Variants in ZBTB8OS observed in about 807,000 individuals in gnomAD.
ZBTB8OS encodes tRNA-splicing ligase-activating factor archease.
In ZBTB8OS, 16 loss-of-function variants were observed where a neutral mutation model predicts 29.3. That is an observed-to-expected ratio of 0.55 (90% CI 0.37 to 0.83). The LOEUF is 0.83. Ranked by LOEUF, ZBTB8OS falls within the 40% of genes least tolerant of loss-of-function variation. The probability of loss-of-function intolerance (pLI) is 0.00; values close to 1 mark genes in which losing one functional copy is unlikely to be tolerated. For missense variants in ZBTB8OS, 160 were observed against 196.9 expected, an observed-to-expected ratio of 0.81 and a Z score of 1.12; for synonymous variants, 70 against 64.6, an observed-to-expected ratio of 1.08 and a Z score of -0.40.
chr1:32,650,697 C>A, upstream of ZBTB8OS: 1 of 1,273,738 alleles, frequency 7.9e-7, no homozygotes, highest in Non-Finnish European at 1.1e-6. Flanking sequence ...CCGCTTGGAT[C>A]GCATATTTAA....
intron 1 of ZBTB8OS, among the ~76,000 whole-genome samples, chr1:32,646,396 A>AT (rs538058280): frequency 9.4e-5 from 14 of 148,544 alleles, no homozygotes; most frequent in South Asian, 2.1e-4. Context: ...TTTTATTATT[A>AT]TTTTTTTTTG....
At chr1:32,621,973 A>G (rs781670232) in intron 6 of ZBTB8OS, 25 bp from the exon 7 acceptor site, 80 of 1,496,864 alleles carry the variant, frequency 5.3e-5, no homozygotes, top group Non-Finnish European at 7.0e-5. Context: ...AGAGAAAAAA[A>G]AAAAAAAAAG....
At chr1:32,648,186 G>C (rs1331300308) in intron 1 of ZBTB8OS, among the ~76,000 whole-genome samples, 1 of 152,132 alleles carries the variant, frequency 6.6e-6, no homozygotes, top group Non-Finnish European at 1.5e-5. Context: ...TTACAAATTA[G>C]AAAAGATAAA....
chr1:32,650,341 G>T, intron 1 of ZBTB8OS, 92 bp downstream of exon 1: 1 of 1,522,708 alleles, frequency 6.6e-7, no homozygotes, highest in Non-Finnish European at 9.0e-7. Context: ...GTACCCATGG[G>T]GCACAGTAGA....
chr1:32,621,670 T>A lies in ZBTB8OS; in HGVS notation c.*192A>T. The A allele has an allele frequency of 1.8e-6, 1 of 553,660 alleles. No individual in the cohort carries two copies. The highest frequency in any genetic ancestry group is 3.1e-6 in the Non-Finnish European group (1 of 319,538). The allele number at this position is 553,660 out of a possible 1,614,324, so 34.3% of individuals were successfully genotyped here. On this transcript the variant is annotated 3_prime_UTR_variant, in exon 7 of 7. Coordinates refer to ENST00000468695, the MANE Select transcript of ZBTB8OS (RefSeq NM_178547.5). Reference sequence around the variant, plus strand: ...GTTGAAGAATTCTTTAAAGTGTGAATATTTGGGGAACACAGACCAAGGCTG... The same window carrying A: ...GTTGAAGAATTCTTTAAAGTGTGAAAATTTGGGGAACACAGACCAAGGCTG...
intron 6 of ZBTB8OS, among the ~76,000 whole-genome samples, chr1:32,627,093 GA>G: frequency 6.6e-6 from 1 of 152,152 alleles, no homozygotes; most frequent in East Asian, 1.9e-4. Context: ...CCATTTTACA[GA>G]AAAAAACTGC....
chr1:32,639,222 T>C (rs1409037480), intron 1 of ZBTB8OS, among the ~76,000 whole-genome samples: 2 of 150,242 alleles, frequency 1.3e-5, no homozygotes, highest in Non-Finnish European at 3.0e-5. Flanking sequence ...TGCTTGGACC[T>C]GGGAGGTAGA....
intron 2 of ZBTB8OS, chr1:32,634,560 C>G (rs906175718): frequency 8.3e-6 from 5 of 599,390 alleles, no homozygotes; most frequent in African/African-American, 3.7e-5. Flanking sequence ...GATGGGGTCT[C>G]TCTGTCACCC....
intron 1 of ZBTB8OS, among the ~76,000 whole-genome samples, chr1:32,648,926 AGTGCTGGG>A (rs1647058370): frequency 6.9e-6 from 1 of 145,154 alleles, no homozygotes; most frequent in African/African-American, 2.6e-5. Flanking sequence ...AACCTCCCAA[AGTGCTGGG>A]ATTACAGGCG....
Position 32,650,488 on chromosome 1 carries a change from A to T in ZBTB8OS, c.42T>A (p.Thr14=). The change falls in exon 1 of 7, where the codon ACT becomes ACA. Residue 14 remains threonine (T), a synonymous_variant. Coordinates refer to ENST00000468695, the MANE Select transcript of ZBTB8OS (RefSeq NM_178547.5). ...EEEDVRDYNL[T]EEQKAIKAKY... ...TGGCCTTGATCGCCTTCTGTTCTTCAGTCAAATTGTAATCTCTAACATCTT... is the reference window on the plus strand; with the variant it reads ...TGGCCTTGATCGCCTTCTGTTCTTCTGTCAAATTGTAATCTCTAACATCTT... The T allele has an allele frequency of 6.2e-7, 1 of 1,614,136 alleles. No homozygotes were observed. The highest frequency in any genetic ancestry group is 8.5e-7 in the Non-Finnish European group (1 of 1,180,008).
At chr1:32,646,050 T>C (rs76441471) in intron 1 of ZBTB8OS, among the ~76,000 whole-genome samples, 5,871 of 152,280 alleles carry the variant, frequency 0.039, 230 homozygotes, top group East Asian at 0.11. Flanking sequence ...CTGGGTGCAG[T>C]GCCTCACGTC....
chr1:32,642,099 C>G (rs1570678219), intron 1 of ZBTB8OS, among the ~76,000 whole-genome samples: 1 of 152,076 alleles, frequency 6.6e-6, no homozygotes, highest in East Asian at 1.9e-4. Flanking sequence ...TTATTTAACC[C>G]TATACATCGT....
intron 1 of ZBTB8OS, 42 bp downstream of exon 1, chr1:32,650,391 T>C (rs1470195274): frequency 1.2e-6 from 2 of 1,612,570 alleles, no homozygotes; most frequent in East Asian, 4.5e-5. Flanking sequence ...AGGGGATGCC[T>C]GTGTGCTTAC....
intron 4 of ZBTB8OS, 113 bp from the exon 5 acceptor site, chr1:32,631,992 C>CTTTTTTTTT (rs71006345): frequency 7.6e-6 from 1 of 131,520 alleles, no homozygotes; most frequent in Non-Finnish European, 1.4e-5. Flanking sequence ...TTGGTAAAAC[C>CTTTTTTTTT]TTTTTTTTTT....
chr1:32,628,181 A>G lies in ZBTB8OS; in HGVS notation c.381-637T>C, dbSNP rs111412913. 6.7e-3 allele frequency among the ~76,000 whole-genome samples: 1,009 copies of G among 149,826 alleles called. 10 individuals carry two copies. Among genetic ancestry groups the G allele is most frequent in the South Asian group, 0.018 (87 of 4,762 alleles). ...GAGACCAGCCTGACCAACATGGAAA[A>G]ACCCTGTCTCTACTAAAAACACAAA... On this transcript the variant is annotated intron_variant, in intron 5 of 6. Transcript: ENST00000468695.
At chr1:32,637,727 A>G (rs1646089119) in intron 1 of ZBTB8OS, among the ~76,000 whole-genome samples, 1 of 152,212 alleles carries the variant, frequency 6.6e-6, no homozygotes, top group Non-Finnish European at 1.5e-5. Context: ...GGTGATGAAC[A>G]CGTTCTATAG....
At chr1:32,624,035 C>A (rs987314814) in intron 6 of ZBTB8OS, among the ~76,000 whole-genome samples, 24 of 152,234 alleles carry the variant, frequency 1.6e-4, no homozygotes, top group Admixed American at 9.2e-4. Flanking sequence ...CTTCGCTCAG[C>A]ACTCACTTCT....
Position 32,621,919 on chromosome 1 carries a change from T to G in ZBTB8OS, c.447A>C (p.Ser149=), listed in dbSNP as rs1644778384. 6.3e-7 allele frequency: 1 copy of G among 1,590,552 alleles called. No individual in the cohort carries two copies. Among genetic ancestry groups the G allele is most frequent in the South Asian group, 1.2e-5 (1 of 84,862 alleles). ...TCTCTTCATTATAGACCTGCATTGCTGAATATGTTATTGCTTTGACTTCTG... is the reference window on the plus strand; with the variant it reads ...TCTCTTCATTATAGACCTGCATTGCGGAATATGTTATTGCTTTGACTTCTG... The part of the protein sequence containing the change: ...QGTEVKAITY[S]AMQVYNEENP... Residue 149 remains serine (S), a synonymous_variant, in exon 7 of 7, where the codon TCA becomes TCC. Coordinates refer to ENST00000468695, the MANE Select transcript of ZBTB8OS (RefSeq NM_178547.5).
At chr1:32,629,054 G>A (rs1645340833) in intron 5 of ZBTB8OS, among the ~76,000 whole-genome samples, 1 of 152,140 alleles carries the variant, frequency 6.6e-6, no homozygotes, top group Non-Finnish European at 1.5e-5. Flanking sequence ...ACATTGTTTA[G>A]TAAATATTGT....
Sources: allele counts gnomAD v4.1 joint callset (sites outside exome capture counted in the v4.1 genomes callset), GRCh38; gene constraint gnomAD v4.1.1; transcripts MANE v1.5; gene names NCBI Gene and HGNC (gene_info 2026-07-23, HGNC 2026-07-21).